CEP85L: variants seen among roughly 807,000 people sequenced by gnomAD.
CEP85L encodes the protein centrosomal protein 85L.
Under a neutral mutation model 100.3 loss-of-function variants are expected in CEP85L, and 60 were observed. The ratio of observed to expected loss-of-function variants is 0.60; its 90% CI spans 0.49 to 0.74. CEP85L has a LOEUF of 0.74. Ranked by LOEUF, CEP85L falls within the 30% of genes least tolerant of loss-of-function variation. The pLI is 0.00. For missense variants in CEP85L, 973 were observed against 936.2 expected, an observed-to-expected ratio of 1.04 and a Z score of -0.51; for synonymous variants, 319 against 322.7, an observed-to-expected ratio of 0.99 and a Z score of 0.12.
intron 2 of CEP85L, chr6:118,589,478 A>C: frequency 7.7e-6 from 2 of 259,792 alleles, no homozygotes; most frequent in South Asian, 1.3e-4. Flanking sequence ...AAACAATGGG[A>C]AACAGCTGTG....
At chr6:118,515,325 T>C (rs957902676) in intron 4 of CEP85L, among the ~76,000 whole-genome samples, 2 of 152,098 alleles carry the variant, frequency 1.3e-5, no homozygotes, top group South Asian at 2.1e-4. Flanking sequence ...TTGACATTAA[T>C]AGAACAAGTA....
chr6:118,636,539 A>AT, intron 1 of CEP85L, among the ~76,000 whole-genome samples: 1 of 142,998 alleles, frequency 7.0e-6, no homozygotes, highest in African/African-American at 3.1e-5. Flanking sequence ...CCAGATATGC[A>AT]GTCAAACATT....
intron 5 of CEP85L, among the ~76,000 whole-genome samples, chr6:118,506,744 G>T (rs1775683290): frequency 6.6e-6 from 1 of 152,084 alleles, no homozygotes; most frequent in African/African-American, 2.4e-5. Flanking sequence ...AACTCTATGT[G>T]AACTTAATCA....
rs115915051 is a variant in CEP85L, at chr6:118,662,939, G to A, written c.-27-10131C>T. 2.5e-3 allele frequency among the ~76,000 whole-genome samples: 379 copies of A among 152,186 alleles called. 2 individuals carry two copies. Among genetic ancestry groups the A allele is most frequent in the African/African-American group, 8.7e-3 (361 of 41,526 alleles). On this transcript the variant is annotated intron_variant, in intron 1 of 13. Transcript: ENST00000368488. Reference sequence around the variant, plus strand: ...AGAGCATAAGTATTGAGTTAGTCAAGCCAGGCTTTTAATGAAAATGTGGAA... The same window carrying A: ...AGAGCATAAGTATTGAGTTAGTCAAACCAGGCTTTTAATGAAAATGTGGAA...
chr6:118,617,177 T>A (rs1165713809), intron 2 of CEP85L, among the ~76,000 whole-genome samples: 1 of 152,194 alleles, frequency 6.6e-6, no homozygotes, highest in Non-Finnish European at 1.5e-5. Context: ...ATTTCCTGCA[T>A]CAGGGATTAC....
intron 5 of CEP85L, among the ~76,000 whole-genome samples, chr6:118,498,190 A>G (rs1775043399): frequency 6.6e-6 from 1 of 152,118 alleles, no homozygotes; most frequent in South Asian, 2.1e-4. Flanking sequence ...ATTGATTAAT[A>G]TAAAATGCTC....
chr6:118,550,775 G>A lies in CEP85L; in HGVS notation c.1020+14754C>T, dbSNP rs574654193. On this transcript the variant is annotated intron_variant, in intron 3 of 12. Coordinates refer to ENST00000368491, the MANE Select transcript of CEP85L (RefSeq NM_001042475.3). ...AATACTGTAAATGATATTCTAAAAG[G>A]CAAAAGGCAAATTCAGAGAATACAA... 7.9e-5 allele frequency among the ~76,000 whole-genome samples: 12 copies of A among 151,760 alleles called. No individual in the cohort carries two copies. The South Asian group carries it at 2.5e-3, about 31-fold the overall frequency.
intron 2 of CEP85L, among the ~76,000 whole-genome samples, chr6:118,572,386 T>G (rs1203957656): frequency 6.7e-6 from 1 of 149,554 alleles, no homozygotes; most frequent in African/African-American, 2.5e-5. Context: ...AAACCCCGTC[T>G]CTACTTAGAA....
In CEP85L at chr6:118,632,547, T is replaced by C. The variant is rs772865419; in HGVS notation, c.138A>G (p.Pro46=). 11 of 1,613,448 alleles carry C rather than the reference T, an allele frequency of 6.8e-6. No homozygotes were observed. The highest frequency in any genetic ancestry group is 6.7e-5 in the East Asian group (3 of 44,862). ...NESLWQATTV[P]SNHRNNHIRR... ...TGATATGGTTATTTCGATGGTTAGA[T>C]GGAACAGTTGTGGCCTGCCACAATG... Residue 46 remains proline (P), a synonymous_variant, in exon 2 of 13, where the codon CCA becomes CCG. Coordinates refer to ENST00000368491, the MANE Select transcript of CEP85L (RefSeq NM_001042475.3).
intron 1 of CEP85L, among the ~76,000 whole-genome samples, chr6:118,669,608 C>T (rs961957859): frequency 6.6e-6 from 1 of 152,154 alleles, no homozygotes; most frequent in African/African-American, 2.4e-5. Flanking sequence ...CCTCCACACA[C>T]ACCAGTCACT....
At chr6:118,515,300 C>A (rs1776207871) in intron 4 of CEP85L, among the ~76,000 whole-genome samples, 1 of 152,044 alleles carries the variant, frequency 6.6e-6, no homozygotes, top group South Asian at 2.1e-4. Flanking sequence ...TATTTTGACA[C>A]CTGGATCTCA....
At chr6:118,537,101 C>A (rs573066682) in intron 3 of CEP85L, among the ~76,000 whole-genome samples, 1 of 152,238 alleles carries the variant, frequency 6.6e-6, no homozygotes, top group South Asian at 2.1e-4. Flanking sequence ...ATTACTGTTG[C>A]TATGCTGTTC....
chr6:118,625,081 C>A (rs373076333), intron 2 of CEP85L, among the ~76,000 whole-genome samples: 1 of 152,230 alleles, frequency 6.6e-6, no homozygotes, highest in South Asian at 2.1e-4. Flanking sequence ...TAAACACCAC[C>A]GGGATAATTG....
At chr6:118,608,512 T>C (rs1225566410) in intron 2 of CEP85L, among the ~76,000 whole-genome samples, 3 of 151,918 alleles carry the variant, frequency 2.0e-5, no homozygotes, top group African/African-American at 7.3e-5. Context: ...AAAAAGAACA[T>C]TTCTGACCTA....
chr6:118,624,381 T>C (rs934877924), intron 2 of CEP85L, among the ~76,000 whole-genome samples: 7 of 152,126 alleles, frequency 4.6e-5, no homozygotes, highest in African/African-American at 1.4e-4. Flanking sequence ...GTCCTTCCTT[T>C]TAACAATTTA....
chr6:118,578,181 T>C (rs528742778), intron 2 of CEP85L, among the ~76,000 whole-genome samples: 1 of 152,278 alleles, frequency 6.6e-6, no homozygotes, highest in South Asian at 2.1e-4. Context: ...CTCAGCTTAA[T>C]CTGTAACTAG....
chr6:118,570,094 A>G (rs1466047175), intron 2 of CEP85L, among the ~76,000 whole-genome samples: 1 of 152,318 alleles, frequency 6.6e-6, no homozygotes, highest in East Asian at 1.9e-4. Context: ...ATATAAATAC[A>G]TATACATTCA....
intron 2 of CEP85L, among the ~76,000 whole-genome samples, chr6:118,613,473 C>A (rs1772792020): frequency 6.6e-6 from 1 of 151,940 alleles, no homozygotes; most frequent in African/African-American, 2.4e-5. Context: ...TCTGGGCCCA[C>A]TGGCCAGGTG....
chr6:118,674,147 A>G (rs1050130373), intron 1 of CEP85L, among the ~76,000 whole-genome samples: 1 of 152,212 alleles, frequency 6.6e-6, no homozygotes, highest in Non-Finnish European at 1.5e-5. Context: ...ATAACAATAG[A>G]AACAAAGAGA....
Sources: allele counts gnomAD v4.1 joint callset (sites outside exome capture counted in the v4.1 genomes callset), GRCh38; gene constraint gnomAD v4.1.1; transcripts MANE v1.5; gene names NCBI Gene and HGNC (gene_info 2026-07-23, HGNC 2026-07-21).